The following CDH2 variants were observed in gnomAD, a reference collection of about 807,000 sequenced individuals.
The protein encoded by CDH2 is cadherin-2.
CDH2 carries 17 observed loss-of-function variants against 92.0 expected under a neutral mutation model. That is an observed-to-expected ratio of 0.18 (90% CI 0.13 to 0.28). The LOEUF (loss-of-function observed/expected upper bound fraction) is 0.28, where lower values mean the gene tolerates loss of function less well. Among genes scored for constraint, CDH2 ranks in the 10% least tolerant of loss-of-function variants. The pLI is 1.00. For synonymous variants in CDH2, 419 were observed against 415.9 expected (o/e 1.01, Z -0.09); for missense variants, 862 against 1,133.1 (o/e 0.76, Z 3.44).
At chr18:28,107,691 A>G (rs2015344806) in intron 2 of CDH2, among the ~76,000 whole-genome samples, 1 of 152,156 alleles carries the variant, frequency 6.6e-6, no homozygotes, top group Non-Finnish European at 1.5e-5. Flanking sequence ...ATACCAGGAA[A>G]GAGTGCAGCA....
intron 2 of CDH2, among the ~76,000 whole-genome samples, chr18:28,117,701 G>A (rs1206661056): frequency 6.6e-6 from 1 of 152,020 alleles, no homozygotes; most frequent in African/African-American, 2.4e-5. Flanking sequence ...GACAAAAGTG[G>A]CCAGTAAAAT....
At chr18:28,026,519 C>A (rs919434708) in intron 2 of CDH2, among the ~76,000 whole-genome samples, 4 of 152,098 alleles carry the variant, frequency 2.6e-5, no homozygotes, top group African/African-American at 9.7e-5. Flanking sequence ...CAGGCCAAGT[C>A]CTTGCTAGAA....
At chr18:28,097,452 T>C (rs1047286847) in intron 2 of CDH2, among the ~76,000 whole-genome samples, 3 of 152,082 alleles carry the variant, frequency 2.0e-5, no homozygotes, top group Non-Finnish European at 4.4e-5. Context: ...TTCTTGCAAG[T>C]GCATTCATAT....
chr18:28,135,995 T>C (rs996594445), intron 2 of CDH2, among the ~76,000 whole-genome samples: 1 of 152,212 alleles, frequency 6.6e-6, no homozygotes, highest in Non-Finnish European at 1.5e-5. Context: ...AAAACAAGTA[T>C]CTGTTGAATG....
Position 28,177,127 on chromosome 18 carries a change from C to G in CDH2, c.-105G>C, listed in dbSNP as rs371515871. ...CAGCACCAACAGCGGCGCGGAGAAA[C>G]GGCTCCAGGCAGTTTCCACCCCCTT... On this transcript the variant is annotated 5_prime_UTR_variant, in exon 1 of 16. Transcript: ENST00000269141. 5.2e-5 allele frequency: 40 copies of G among 767,966 alleles called. No homozygotes were observed. The highest frequency in any genetic ancestry group is 4.2e-4 in the Admixed American group (16 of 38,114). The allele number at this position is 767,966 out of a possible 1,614,324, so 47.6% of individuals were successfully genotyped here. A position where few individuals can be genotyped will look rare whatever the true frequency, so the allele number is the denominator to read the frequency against.
chr18:28,095,816 A>AAAAAAAAAAAAAAAAAAAAAAG (rs2015123967), intron 2 of CDH2, among the ~76,000 whole-genome samples: 1 of 151,454 alleles, frequency 6.6e-6, no homozygotes, highest in African/African-American at 2.4e-5. Context: ...TCAAAAAAAA[A>AAAAAAAAAAAAAAAAAAAAAAG]AAAAAAAAAG....
At chr18:27,954,485 C>T (rs1223005586) in intron 15 of CDH2, 1 of 152,326 alleles carries the variant, frequency 6.6e-6, no homozygotes, top group Non-Finnish European at 1.5e-5. Context: ...GTGTTTCCAC[C>T]CTTCCACTAA....
chr18:27,936,322 A>T (rs1363692494), intron 6 of CDH2, among the ~76,000 whole-genome samples: 1 of 152,186 alleles, frequency 6.6e-6, no homozygotes, highest in Non-Finnish European at 1.5e-5. Context: ...TGCGGATGCC[A>T]TGGTGCATAT....
intron 2 of CDH2, among the ~76,000 whole-genome samples, chr18:28,046,064 T>C (rs1481361909): frequency 1.3e-5 from 2 of 152,210 alleles, no homozygotes; most frequent in African/African-American, 2.4e-5. Flanking sequence ...AAGTATGTGA[T>C]AAAGCTGATG....
intron 2 of CDH2, among the ~76,000 whole-genome samples, chr18:28,106,184 A>G (rs1218256919): frequency 6.6e-6 from 1 of 152,212 alleles, no homozygotes; most frequent in African/African-American, 2.4e-5. Flanking sequence ...GGGGAGCCCA[A>G]GGCTGGTGGA....
intron 2 of CDH2, among the ~76,000 whole-genome samples, chr18:28,084,039 A>G (rs970272041): frequency 4.6e-5 from 7 of 152,202 alleles, no homozygotes; most frequent in Non-Finnish European, 2.9e-5. Context: ...GTAGCCAGTA[A>G]GCAAATCAGC....
At chr18:27,975,703 T>G (rs1337652527) in intron 14 of CDH2, among the ~76,000 whole-genome samples, 1 of 152,152 alleles carries the variant, frequency 6.6e-6, no homozygotes, top group East Asian at 1.9e-4. Context: ...CCCCTGCCAG[T>G]GTGGGCAAGA....
intron 2 of CDH2, among the ~76,000 whole-genome samples, chr18:28,094,562 AG>A: frequency 6.6e-6 from 1 of 152,046 alleles, no homozygotes; most frequent in African/African-American, 2.4e-5. Flanking sequence ...TAGGAGGCTG[AG>A]GCGGGCGGAT....
intron 1 of CDH2, among the ~76,000 whole-genome samples, chr18:28,162,504 G>A (rs1015410910): frequency 6.6e-6 from 1 of 151,944 alleles, no homozygotes; most frequent in Non-Finnish European, 1.5e-5. Flanking sequence ...ATGGCCAGCG[G>A]CAGAAACTGC....
chr18:28,152,266 G>T (rs1235628056), intron 1 of CDH2, among the ~76,000 whole-genome samples: 1 of 152,162 alleles, frequency 6.6e-6, no homozygotes, highest in South Asian at 2.1e-4. Flanking sequence ...AGAAAGGGCA[G>T]GATTCAAACT....
intron 2 of CDH2, chr18:28,045,588 ACT>A (rs1039475473): frequency 2.1e-5 from 7 of 327,150 alleles, no homozygotes; most frequent in African/African-American, 1.3e-4. Flanking sequence ...TGAGTGGAAC[ACT>A]CTTACTTAAG....
intron 2 of CDH2, among the ~76,000 whole-genome samples, chr18:28,014,914 G>T (rs2013200822): frequency 6.6e-6 from 1 of 152,056 alleles, no homozygotes; most frequent in African/African-American, 2.4e-5. Flanking sequence ...TCTTTCTGAA[G>T]AAAAATTCTA....
At chr18:27,940,849 A>G (rs1226840021) in intron 6 of CDH2, among the ~76,000 whole-genome samples, 1 of 152,200 alleles carries the variant, frequency 6.6e-6, no homozygotes, top group Non-Finnish European at 1.5e-5. Flanking sequence ...AATTATTGCA[A>G]CTGCAAGAAA....
intron 14 of CDH2, among the ~76,000 whole-genome samples, chr18:27,964,556 C>CTCTG: frequency 6.6e-6 from 1 of 152,314 alleles, no homozygotes; most frequent in Middle Eastern, 3.4e-3. Flanking sequence ...GGCTTCATCT[C>CTCTG]TCTGTCTGAA....
Sources: allele counts gnomAD v4.1 joint callset (sites outside exome capture counted in the v4.1 genomes callset), GRCh38; gene constraint gnomAD v4.1.1; transcripts MANE v1.5; gene names NCBI Gene and HGNC (gene_info 2026-07-23, HGNC 2026-07-21).